Variants in LRRC7 observed in about 807,000 individuals in gnomAD.
The protein encoded by LRRC7 is leucine-rich repeat-containing protein 7.
Under a neutral mutation model 175.7 loss-of-function variants are expected in LRRC7, and 23 were observed. The ratio of observed to expected loss-of-function variants is 0.13; its 90% CI spans 0.09 to 0.19. The LOEUF is 0.19. Among genes scored for constraint, LRRC7 ranks in the 10% least tolerant of loss-of-function variants. The pLI is 1.00. For missense variants in LRRC7, 1,354 were observed against 1,904.7 expected, an observed-to-expected ratio of 0.71 and a Z score of 5.38; for synonymous variants, 685 against 680.9, an observed-to-expected ratio of 1.01 and a Z score of -0.09.
In LRRC7 at chr1:70,142,764, T is replaced by C. The variant is rs1489627105; in HGVS notation, c.*20877T>C. 1 of 152,106 alleles carries C rather than the reference T, an allele frequency of 6.6e-6. No homozygotes were observed. Among genetic ancestry groups the C allele is most frequent in the Non-Finnish European group, 1.5e-5 (1 of 67,972 alleles). The allele number at this position is 152,106 out of a possible 1,614,324, so 9.4% of individuals were successfully genotyped here. On this transcript the variant is annotated 3_prime_UTR_variant, in exon 27 of 27. Transcript: ENST00000651989. ...CAACCAGCTATATATAAGAAAACCA[T>C]AACATGAACTAGGGTCTTTCTATTC... is the stretch of plus-strand genomic sequence containing the variant.
At chr1:69,788,432 C>A (rs939832549) in intron 3 of LRRC7, among the ~76,000 whole-genome samples, 6 of 152,150 alleles carry the variant, frequency 3.9e-5, no homozygotes, top group African/African-American at 1.4e-4. Flanking sequence ...AAGTTGATTT[C>A]TTTTCATACC....
intron 2 of LRRC7, among the ~76,000 whole-genome samples, chr1:69,699,597 A>G (rs1361371070): frequency 6.6e-6 from 1 of 152,138 alleles, no homozygotes; most frequent in Non-Finnish European, 1.5e-5. Context: ...CTGCAGATAC[A>G]TCTCTGTTTT....
chr1:69,958,683 A>G (rs1292517787), intron 8 of LRRC7, among the ~76,000 whole-genome samples: 2 of 152,030 alleles, frequency 1.3e-5, no homozygotes, highest in Non-Finnish European at 2.9e-5. Context: ...TGGGAGAGCC[A>G]GAGGTAGTTA....
At chr1:69,998,363 T>C (rs1178245674) in intron 11 of LRRC7, among the ~76,000 whole-genome samples, 1 of 152,134 alleles carries the variant, frequency 6.6e-6, no homozygotes, top group Non-Finnish European at 1.5e-5. Context: ...GTGGAACAAC[T>C]TGCTAAAATT....
At chr1:69,703,016 TC>T (rs1209380115) in intron 2 of LRRC7, among the ~76,000 whole-genome samples, 2 of 152,082 alleles carry the variant, frequency 1.3e-5, no homozygotes. Flanking sequence ...GGTGACTTGT[TC>T]TCTGGCTCAC....
intron 7 of LRRC7, among the ~76,000 whole-genome samples, chr1:69,928,781 C>T (rs1647177410): frequency 6.6e-6 from 1 of 152,244 alleles, no homozygotes; most frequent in South Asian, 2.1e-4. Flanking sequence ...ATGCCTCGCC[C>T]TGCTTCGGCT....
intron 1 of LRRC7, among the ~76,000 whole-genome samples, chr1:69,596,157 A>G (rs533453372): frequency 1.1e-4 from 16 of 152,228 alleles, no homozygotes; most frequent in African/African-American, 3.8e-4. Context: ...CATTATAAGA[A>G]GAGCACCAGC....
rs185440841 is a variant in LRRC7, at chr1:69,741,794, C to T, written c.101-18397C>T. Reference sequence around the variant, plus strand: ...CTGTGTTCACTCCTTTCTTCTGTACCTCCTTTCTGGCCACAGCTTCTTCAG... The same window carrying T: ...CTGTGTTCACTCCTTTCTTCTGTACTTCCTTTCTGGCCACAGCTTCTTCAG... On this transcript the variant is annotated intron_variant, in intron 2 of 26. Transcript: ENST00000651989. Among the ~76,000 whole-genome samples the T allele has an allele frequency of 6.6e-5, 10 of 152,010 alleles. No individual in the cohort carries two copies. In the East Asian group the frequency reaches 1.7e-3, roughly 26 times the overall value.
At chr1:69,935,503 T>C (rs1376263050) in intron 8 of LRRC7, among the ~76,000 whole-genome samples, 1 of 152,166 alleles carries the variant, frequency 6.6e-6, no homozygotes, top group African/African-American at 2.4e-5. Context: ...TCTTTGTAGC[T>C]AAACTAGAAA....
At chr1:69,691,797 CAAAAAAA>C (rs57676937) in intron 2 of LRRC7, among the ~76,000 whole-genome samples, 11 of 85,196 alleles carry the variant, frequency 1.3e-4, no homozygotes, top group African/African-American at 3.0e-4. Context: ...GACCCTGTCT[CAAAAAAA>C]AAAAAAAAAA....
rs576962206 is a variant in LRRC7, at chr1:69,574,112, C to T, written c.2+5471C>T. The stretch of plus-strand genomic sequence containing the variant: ...AACTCTAGGATACTTGTGTGTGTGG[C>T]GGGGTGGGTCAGATGAGGGAGATAT... On this transcript the variant is annotated intron_variant, in intron 1 of 26. Transcript: ENST00000651989. Among the ~76,000 whole-genome samples, 13 of 151,820 alleles carry T rather than the reference C, an allele frequency of 8.6e-5. No individual in the cohort carries two copies. The South Asian group carries it at 1.5e-3, about 17-fold the overall frequency.
At chr1:69,858,449 A>T (rs1683975385) in intron 7 of LRRC7, among the ~76,000 whole-genome samples, 2 of 152,144 alleles carry the variant, frequency 1.3e-5, no homozygotes, top group Non-Finnish European at 2.9e-5. Flanking sequence ...TAGAACTTAT[A>T]GTATAATAAT....
chr1:70,048,369 A>G (rs1446068542), intron 22 of LRRC7, among the ~76,000 whole-genome samples: 2 of 152,106 alleles, frequency 1.3e-5, no homozygotes, highest in African/African-American at 4.8e-5. Flanking sequence ...ACTGAGGCTC[A>G]TGTGTTACAC....
chr1:69,653,084 G>A (rs917381838), intron 1 of LRRC7, among the ~76,000 whole-genome samples: 1 of 151,918 alleles, frequency 6.6e-6, no homozygotes, highest in Non-Finnish European at 1.5e-5. Context: ...ACAAAAGTAA[G>A]AATAGACATG....
chr1:69,902,331 A>T (rs968366419), intron 7 of LRRC7, among the ~76,000 whole-genome samples: 1 of 152,188 alleles, frequency 6.6e-6, no homozygotes, highest in Non-Finnish European at 1.5e-5. Context: ...GCACTTTGGG[A>T]GGCTGAGGTG....
At chr1:69,764,171 A>G (rs916408717) in intron 3 of LRRC7, among the ~76,000 whole-genome samples, 2 of 151,996 alleles carry the variant, frequency 1.3e-5, no homozygotes, top group South Asian at 2.1e-4. Flanking sequence ...TGCCTTTCAC[A>G]CAGTGATAGA....
chr1:69,633,245 C>A (rs1243027612), intron 1 of LRRC7, among the ~76,000 whole-genome samples: 3 of 151,672 alleles, frequency 2.0e-5, no homozygotes, highest in African/African-American at 7.3e-5. Flanking sequence ...CAATTACTGT[C>A]CTTTTTATTT....
chr1:70,125,811 A>AGAG lies in LRRC7; in HGVS notation c.*3924_*3925insGAG, dbSNP rs1491424664. Among the ~76,000 whole-genome samples, 155 of 150,042 alleles carry AGAG rather than the reference A, an allele frequency of 1.0e-3. No homozygotes were observed. The highest frequency in any genetic ancestry group is 3.8e-3 in the African/African-American group (153 of 40,680). ...CGTCTCAAAAAAAAAAAAAAAAAAAAAGAGAAGATTCAGAGGGGAGAAAAC... is the reference window on the plus strand; with the variant it reads ...CGTCTCAAAAAAAAAAAAAAAAAAAAGAGAGAGAAGATTCAGAGGGGAGAAAAC... On this transcript the variant is annotated 3_prime_UTR_variant, in exon 27 of 27. Coordinates refer to ENST00000651989, the MANE Select transcript of LRRC7 (RefSeq NM_001370785.2).
At chr1:70,115,784 C>A (rs1665810580) in intron 26 of LRRC7, among the ~76,000 whole-genome samples, 1 of 150,600 alleles carries the variant, frequency 6.6e-6, no homozygotes, top group African/African-American at 2.5e-5. Flanking sequence ...ATGAACCTGT[C>A]ATTTAAGAGC....
Sources: allele counts gnomAD v4.1 joint callset (sites outside exome capture counted in the v4.1 genomes callset), GRCh38; gene constraint gnomAD v4.1.1; transcripts MANE v1.5; gene names NCBI Gene and HGNC (gene_info 2026-07-23, HGNC 2026-07-21).